The following RAD9B variants were observed in gnomAD, a reference collection of about 807,000 sequenced individuals.
RAD9B encodes the protein cell cycle checkpoint control protein RAD9B.
A neutral mutation model predicts 48.3 loss-of-function variants in RAD9B; 41 were observed. The ratio of observed to expected loss-of-function variants is 0.85; its 90% CI spans 0.66 to 1.10. RAD9B has a LOEUF of 1.10. Among genes scored for constraint, RAD9B ranks in the 50% least tolerant of loss-of-function variants. The pLI is 0.00. For missense variants in RAD9B, 444 were observed against 485.1 expected, an observed-to-expected ratio of 0.92 and a Z score of 0.80; for synonymous variants, 160 against 157.9, an observed-to-expected ratio of 1.01 and a Z score of -0.10.
chr12:110,520,628 CTTTT>C (rs71083129), intron 9 of RAD9B, among the ~76,000 whole-genome samples: 1 of 99,968 alleles, frequency 1.0e-5, no homozygotes, highest in African/African-American at 4.0e-5. Context: ...TTCTTGCTTT[CTTTT>C]TTTTTTTTTT....
chr12:110,507,786 G>T (rs1205370586), intron 4 of RAD9B, among the ~76,000 whole-genome samples: 1 of 151,134 alleles, frequency 6.6e-6, no homozygotes, highest in Non-Finnish European at 1.5e-5. Flanking sequence ...GAGTAGCTAG[G>T]ATTACAGGCA....
At chr12:110,526,871 C>T (rs938571543) in intron 10 of RAD9B, among the ~76,000 whole-genome samples, 1 of 148,576 alleles carries the variant, frequency 6.7e-6, no homozygotes, top group Admixed American at 6.8e-5. Flanking sequence ...ATCATGCCAC[C>T]GCACTCCAGC....
At chr12:110,519,414 TG>T (rs547429011) in intron 8 of RAD9B, among the ~76,000 whole-genome samples, 8 of 111,494 alleles carry the variant, frequency 7.2e-5, no homozygotes, top group African/African-American at 3.3e-4. Context: ...TACTGTTTGT[TG>T]TTGTTGTTGT....
intron 6 of RAD9B, 150 bp downstream of exon 6, chr12:110,515,306 A>G (rs1313944642): frequency 3.6e-6 from 2 of 553,458 alleles, no homozygotes; most frequent in African/African-American, 1.9e-5. Context: ...TAAGAGATCC[A>G]ACAAGTTTAA....
chr12:110,526,608 T>C (rs891810002), intron 10 of RAD9B, among the ~76,000 whole-genome samples: 2 of 152,296 alleles, frequency 1.3e-5, no homozygotes, highest in African/African-American at 2.4e-5. Flanking sequence ...TTAGAGGCAA[T>C]TGAAACCATG....
Position 110,512,857 on chromosome 12 carries a change from A to G in RAD9B, c.467A>G (p.Asn156Ser). The G allele has an allele frequency of 1.3e-6, 2 of 1,544,960 alleles. No individual in the cohort carries two copies. The highest frequency in any genetic ancestry group is 1.8e-6 in the Non-Finnish European group (2 of 1,125,680). Residue 156 changes from asparagine (N) to serine (S), a missense_variant, in exon 5 of 11, where the codon AAT (asparagine) becomes AGT (serine). Physicochemically the swap from Asn to Ser is conservative, Grantham distance 46. Coordinates refer to ENST00000409300, the MANE Select transcript of RAD9B (RefSeq NM_001286535.2). ...ATTTTTGACAAGAATGTTTGTACTA[A>G]TACGCTAATGATTCAACCAAGGTAA... ...QVIFDKNVCTNTLMIQPRLLA... is the reference protein window; with the variant it reads ...QVIFDKNVCTSTLMIQPRLLA...
intron 10 of RAD9B, among the ~76,000 whole-genome samples, chr12:110,529,683 G>A (rs1390430582): frequency 6.6e-6 from 1 of 152,132 alleles, no homozygotes; most frequent in African/African-American, 2.4e-5. Context: ...GTTTGAGGCT[G>A]CGGTGAGACG....
intron 4 of RAD9B, among the ~76,000 whole-genome samples, chr12:110,509,954 A>T (rs1056418806): frequency 2.0e-5 from 3 of 152,212 alleles, no homozygotes; most frequent in Admixed American, 1.3e-4. Flanking sequence ...CACCAAAAGT[A>T]ACTTGAAAAT....
chr12:110,524,948 A>G (rs2063889707), intron 10 of RAD9B, among the ~76,000 whole-genome samples: 1 of 152,044 alleles, frequency 6.6e-6, no homozygotes, highest in African/African-American at 2.4e-5. Flanking sequence ...ATCACTTCAA[A>G]TATTTTGATT....
Position 110,507,201 on chromosome 12 carries a change from TA to T in RAD9B, c.388+510del, listed in dbSNP as rs531460719. On this transcript the variant is annotated intron_variant, in intron 4 of 10. Coordinates refer to ENST00000409300, the MANE Select transcript of RAD9B (RefSeq NM_001286535.2). Reference sequence around the variant, plus strand: ...CTTACCTGTCACTGTAGAAGTATTGTAAGATGATCGGTATTATTTCTTTTTT... The same window carrying T: ...CTTACCTGTCACTGTAGAAGTATTGTAGATGATCGGTATTATTTCTTTTTT... 2.0e-5 allele frequency among the ~76,000 whole-genome samples: 3 copies of T among 152,026 alleles called. 1 individual carries two copies. In the South Asian group the frequency reaches 6.2e-4, roughly 32 times the overall value.
intron 6 of RAD9B, among the ~76,000 whole-genome samples, chr12:110,517,656 T>C (rs769683950): frequency 6.6e-6 from 1 of 151,064 alleles, no homozygotes; most frequent in Non-Finnish European, 1.5e-5. Flanking sequence ...TAAAGTAATG[T>C]TATATGTGTA....
rs1395812723 is a variant in RAD9B at position 110,531,612 on chromosome 12, T to C, written c.*959T>C. ...AGAATTTAATGGAAGTGATGCCAAATATTTCTGTATTATCTGACATAGAAC... is the reference window on the plus strand; with the variant it reads ...AGAATTTAATGGAAGTGATGCCAAACATTTCTGTATTATCTGACATAGAAC... On this transcript the variant is annotated 3_prime_UTR_variant, in exon 11 of 11. Coordinates refer to ENST00000409300, the MANE Select transcript of RAD9B (RefSeq NM_001286535.2). The C allele has an allele frequency of 6.2e-7, 1 of 1,611,590 alleles. No homozygotes were observed. The highest frequency in any genetic ancestry group is 1.3e-5 in the African/African-American group (1 of 74,996).
At chr12:110,514,909 G>C in intron 5 of RAD9B, 141 bp from the exon 6 acceptor site, 1 of 561,468 alleles carries the variant, frequency 1.8e-6, no homozygotes, top group Non-Finnish European at 3.1e-6. Context: ...TAAGAAAGAA[G>C]GTAGGAGTTT....
intron 4 of RAD9B, among the ~76,000 whole-genome samples, chr12:110,507,174 AT>A (rs1169212489): frequency 1.3e-5 from 2 of 151,910 alleles, no homozygotes; most frequent in African/African-American, 4.8e-5. Context: ...CTGAAGTATT[AT>A]CTTACCTGTC....
At chr12:110,520,741 C>T (rs775002365) in intron 9 of RAD9B, among the ~76,000 whole-genome samples, 1 of 149,072 alleles carries the variant, frequency 6.7e-6, no homozygotes, top group Non-Finnish European at 1.5e-5. Flanking sequence ...ACCTCCACCC[C>T]CTGGGTTCAA....
In RAD9B at chr12:110,531,802, C is replaced by T; in HGVS notation, c.*1149C>T. Reference sequence around the variant, plus strand: ...TAATGTCTTATGATGTGTGCCTCTCCCTCCCCCAAACCTGTTTACAGTCAA... The same window carrying T: ...TAATGTCTTATGATGTGTGCCTCTCTCTCCCCCAAACCTGTTTACAGTCAA... On this transcript the variant is annotated 3_prime_UTR_variant, in exon 11 of 11. Transcript: ENST00000409300. 1 of 585,636 alleles carries T rather than the reference C, an allele frequency of 1.7e-6. No individual in the cohort carries two copies. The highest frequency in any genetic ancestry group is 3.0e-6 in the Non-Finnish European group (1 of 338,714). The allele number at this position is 585,636 out of a possible 1,614,324, so 36.3% of individuals were successfully genotyped here. A position where few individuals can be genotyped will look rare whatever the true frequency, so the allele number is the denominator to read the frequency against.
chr12:110,518,933 T>C lies in RAD9B; in HGVS notation c.762T>C (p.Pro254=). 1 of 1,560,190 alleles carries C rather than the reference T, an allele frequency of 6.4e-7. No individual in the cohort carries two copies. Among genetic ancestry groups the C allele is most frequent in the Non-Finnish European group, 8.7e-7 (1 of 1,152,614 alleles). The change falls in exon 8 of 11, where the codon CCT becomes CCC. Residue 254 remains proline, a synonymous_variant. Coordinates refer to ENST00000409300, the MANE Select transcript of RAD9B (RefSeq NM_001286535.2). ...HAPISIYFDF[P]GKPLALSIDD... ...CTATATCCATTTATTTTGATTTCCC[T>C]GGGAAGTAGGTCCTTGAGAATTTTT...
At chr12:110,502,785 A>C (rs989734174) in intron 1 of RAD9B, 2 of 168,188 alleles carry the variant, frequency 1.2e-5, no homozygotes, top group African/African-American at 4.8e-5. Context: ...GAACTTGGAA[A>C]AGTCACTAAA....
Position 110,515,032 on chromosome 12 carries a change from G to A in RAD9B, c.489-18G>A. ...TTGTTTTTCAAATAATGTTAATACT[G>A]TTCTTTACATTTTATAGATTGCTTG... On this transcript the variant is annotated intron_variant, in intron 5 of 10. Transcript: ENST00000409300. 7.0e-7 allele frequency: 1 copy of A among 1,424,468 alleles called. No homozygotes were observed. The highest frequency in any genetic ancestry group is 2.5e-5 in the East Asian group (1 of 40,210). The allele number at this position is 1,424,468 out of a possible 1,614,324, so 88.2% of individuals were successfully genotyped here. A position where few individuals can be genotyped will look rare whatever the true frequency, so the allele number is the denominator to read the frequency against.
Sources: gnomAD v4.1 joint callset for allele counts (sites outside exome capture counted in the v4.1 genomes callset) on GRCh38, gnomAD v4.1.1 for gene constraint, MANE v1.5 for transcripts, NCBI Gene and HGNC (gene_info 2026-07-23, HGNC 2026-07-21) for gene names.